The following PLOD1 variants were observed in gnomAD, a reference collection of about 807,000 sequenced individuals.
PLOD1 encodes procollagen-lysine,2-oxoglutarate 5-dioxygenase 1, also known as lysine hydroxylase.
A neutral mutation model predicts 94.7 loss-of-function variants in PLOD1; 70 were observed. That is an observed-to-expected ratio of 0.74 (90% CI 0.61 to 0.90). The LOEUF is 0.90. PLOD1 is among the 40% of genes least tolerant of loss of function. The pLI is 0.00. For synonymous variants in PLOD1, 417 were observed against 400.2 expected (o/e 1.04, Z -0.50); for missense variants, 905 against 972.7 (o/e 0.93, Z 0.93).
At position 11,972,806 on chromosome 1, in the gene PLOD1, T is replaced by G. The variant is rs2100766941; in HGVS notation, c.1903-66T>G. 1 of 1,594,278 alleles carries G rather than the reference T, an allele frequency of 6.3e-7. No homozygotes were observed. The highest frequency in any genetic ancestry group is 1.1e-5 in the South Asian group (1 of 90,514). ...CAGACCAGGCCCCATGTGTGCACCC[T>G]CCTCTCCTGGCCTTTGTGTCCTCCT... is the stretch of plus-strand genomic sequence containing the variant. On this transcript the variant is annotated intron_variant, in intron 17 of 18. Transcript: ENST00000196061. This position sits in a 1 kb window ranked among gnomAD's most constrained non-coding sequence, Gnocchi z 4.6.
chr1:11,939,735 G>A (rs1488939250), intron 1 of PLOD1, among the ~76,000 whole-genome samples: 1 of 152,084 alleles, frequency 6.6e-6, no homozygotes, highest in Non-Finnish European at 1.5e-5. Flanking sequence ...AGTCTCCCGA[G>A]TAGCTGGGAT....
intron 1 of PLOD1, among the ~76,000 whole-genome samples, chr1:11,942,174 G>T (rs950515542): frequency 1.3e-5 from 2 of 151,948 alleles, no homozygotes; most frequent in East Asian, 3.9e-4. Flanking sequence ...GTAGAGACGG[G>T]GTTTCACCAT....
Position 11,957,152 on chromosome 1 carries a change from A to C in PLOD1, c.741+138A>C, listed in dbSNP as rs981836108. 1.3e-6 allele frequency: 1 copy of C among 772,192 alleles called. No individual in the cohort carries two copies. The highest frequency in any genetic ancestry group is 2.4e-6 in the Non-Finnish European group (1 of 414,100). The allele number at this position is 772,192 out of a possible 1,614,324, so 47.8% of individuals were successfully genotyped here. ...CTATGAACTCACTGCCTCTGTCCTC[A>C]CATCTGAGCTCAGCGTGATGCCTTC... On this transcript the variant is annotated intron_variant, in intron 7 of 18. Transcript: ENST00000196061. The surrounding 1 kb of genome is among the most constrained non-coding windows in gnomAD (Gnocchi z 4.1).
chr1:11,952,836 T>C (rs1056978890), intron 5 of PLOD1, 101 bp downstream of exon 5: 88 of 814,298 alleles, frequency 1.1e-4, no homozygotes, highest in Non-Finnish European at 8.2e-5. Flanking sequence ...GGTTGGTGTC[T>C]TAGTCTATGC....
chr1:11,961,136 C>T (rs1645775504), intron 10 of PLOD1, among the ~76,000 whole-genome samples: 1 of 151,974 alleles, frequency 6.6e-6, no homozygotes, highest in Non-Finnish European at 1.5e-5. Context: ...GTAATCCCTG[C>T]ACTTTGAGAG....
At chr1:11,947,916 T>A (rs892451074) in intron 1 of PLOD1, 60 bp from the exon 2 acceptor site, 46 of 1,092,162 alleles carry the variant, frequency 4.2e-5, no homozygotes, top group South Asian at 3.6e-4. Flanking sequence ...AACAAAGACC[T>A]CCTCCCTGTC....
intron 1 of PLOD1, among the ~76,000 whole-genome samples, chr1:11,944,257 C>A (rs1645634020): frequency 6.6e-6 from 1 of 151,736 alleles, no homozygotes; most frequent in Non-Finnish European, 1.5e-5. Context: ...GTGTCTGGCA[C>A]ACAGAAAATG....
In PLOD1 at chr1:11,949,850, G is replaced by A. The variant is rs1258534388; in HGVS notation, c.246G>A (p.Lys82=). ...GAGGGCAGAAGGTCCGGCTGCTGAA[G>A]AAAGCTCTGGAGAAGCACGCAGACA... The part of the protein sequence containing the change: ...AGGGQKVRLL[K]KALEKHADKE... The change falls in exon 3 of 19, where the codon AAG becomes AAA. Residue 82 remains lysine, a synonymous_variant. Transcript: ENST00000196061. The A allele has an allele frequency of 1.9e-6, 3 of 1,614,174 alleles. No individual in the cohort carries two copies. The highest frequency in any genetic ancestry group is 2.5e-6 in the Non-Finnish European group (3 of 1,180,020).
At chr1:11,950,593 G>T in intron 4 of PLOD1, 73 bp downstream of exon 4, 1 of 1,391,082 alleles carries the variant, frequency 7.2e-7, no homozygotes, top group South Asian at 1.2e-5. Context: ...GACCCCCCTT[G>T]TTTGACGTGC....
intron 4 of PLOD1, among the ~76,000 whole-genome samples, chr1:11,951,868 G>A (rs1323230089): frequency 2.0e-5 from 3 of 152,026 alleles, no homozygotes; most frequent in African/African-American, 4.8e-5. Context: ...GCAGTGAGCC[G>A]AGATCGTGCC....
chr1:11,970,730 A>G lies in PLOD1; in HGVS notation c.1816A>G (p.Ile606Val), dbSNP rs758904956. The change falls in exon 17 of 19, where the codon ATC becomes GTC. Residue 606 changes from isoleucine (I) to valine (V), a missense_variant. By Grantham distance (29) the Ile-to-Val change is conservative (BLOSUM62 3). Coordinates refer to ENST00000196061, the MANE Select transcript of PLOD1 (RefSeq NM_000302.4). ...VPTIDIHMNQ[I>V]GFEREWHKFL... is the part of the protein sequence containing the mutation. ...GACTATTGACATCCACATGAACCAGATCGGCTTTGAGCGGGAGTGGCACAA... is the reference window on the plus strand; with the variant it reads ...GACTATTGACATCCACATGAACCAGGTCGGCTTTGAGCGGGAGTGGCACAA... 2 of 1,612,538 alleles carry G rather than the reference A, an allele frequency of 1.2e-6. No individual in the cohort carries two copies. The highest frequency in any genetic ancestry group is 1.7e-6 in the Non-Finnish European group (2 of 1,179,826).
At chr1:11,947,026 T>C (rs371286976) in intron 1 of PLOD1, among the ~76,000 whole-genome samples, 2 of 152,022 alleles carry the variant, frequency 1.3e-5, no homozygotes, top group African/African-American at 4.8e-5. Flanking sequence ...CCTGGCACTT[T>C]GGGAGGCCAA....
rs4044692 is a variant in PLOD1 at position 11,972,026 on chromosome 1, CAAG to C, written c.1903-844_1903-842del. The stretch of plus-strand genomic sequence containing the variant: ...TTGGCTTTCTCCAAGGTACTTTCTC[CAAG>C]ACTCAGTTCCTTCCTTGGTCTCTGG... On this transcript the variant is annotated intron_variant, in intron 17 of 18. Coordinates refer to ENST00000196061, the MANE Select transcript of PLOD1 (RefSeq NM_000302.4). The surrounding 1 kb of genome is among the most constrained non-coding windows in gnomAD (Gnocchi z 4.6). 0.52 allele frequency: 78,189 copies of C among 151,678 alleles called. 20,845 individuals carry two copies. The highest frequency in any genetic ancestry group is 0.64 in the East Asian group (3,280 of 5,126). 9.4% of individuals were successfully genotyped at this position (151,678 alleles called of 1,614,324 possible). A position where few individuals can be genotyped will look rare whatever the true frequency, so the allele number is the denominator to read the frequency against.
At chr1:11,949,457 T>G (rs1645681604) in intron 2 of PLOD1, among the ~76,000 whole-genome samples, 1 of 152,060 alleles carries the variant, frequency 6.6e-6, no homozygotes, top group Non-Finnish European at 1.5e-5. Context: ...TGTTGCTCTG[T>G]CTCCCAGGCT....
chr1:11,950,308 C>A, intron 3 of PLOD1, 49 bp from the exon 4 acceptor site: 3 of 1,588,136 alleles, frequency 1.9e-6, no homozygotes, highest in Non-Finnish European at 2.6e-6. Context: ...CCTCACTGGG[C>A]CCCTGCTCAC....
rs1394421328 is a variant in PLOD1 at position 11,957,463 on chromosome 1, G to GGCTCATA, written c.742-369_742-363dup. Among the ~76,000 whole-genome samples the GGCTCATA allele has an allele frequency of 1.6e-4, 24 of 152,204 alleles. No individual in the cohort carries two copies. The highest frequency in any genetic ancestry group is 1.9e-4 in the Non-Finnish European group (13 of 68,040). On this transcript the variant is annotated intron_variant, in intron 7 of 18. Coordinates refer to ENST00000196061, the MANE Select transcript of PLOD1 (RefSeq NM_000302.4). The surrounding 1 kb of genome is among the most constrained non-coding windows in gnomAD (Gnocchi z 4.1). ...GGACCTCACTGGTCCCTGGGGAACTGGCTCATAGCTCATAGCATATTTGAG... is the reference window on the plus strand; with the variant it reads ...GGACCTCACTGGTCCCTGGGGAACTGGCTCATAGCTCATAGCTCATAGCATATTTGAG...
At chr1:11,944,131 G>T (rs1359875567) in intron 1 of PLOD1, among the ~76,000 whole-genome samples, 3 of 151,992 alleles carry the variant, frequency 2.0e-5, no homozygotes, top group African/African-American at 4.8e-5. Context: ...TATTTAGGAG[G>T]CTGAGGCATG....
At chr1:11,960,603 C>T (rs1176362158) in intron 9 of PLOD1, 43 bp from the exon 10 acceptor site, 2 of 1,389,244 alleles carry the variant, frequency 1.4e-6, no homozygotes, top group Non-Finnish European at 2.0e-6. Context: ...AAGCTGTGTC[C>T]TCCTCCTCAC....
Position 11,967,154 on chromosome 1 carries a change from T to A in PLOD1, c.1755+63T>A, listed in dbSNP as rs77066296. ...CTGCCTCTCCATCAGTGCCGCTCAC[T>A]GTCTGGGGTCTTCTGGCAAGCTGGC... On this transcript the variant is annotated intron_variant, in intron 16 of 18. Transcript: ENST00000196061. The A allele has an allele frequency of 3.2e-3, 3,402 of 1,077,724 alleles. 48 individuals carry two copies. The East Asian group carries it at 0.035, about 11-fold the overall frequency. The allele number at this position is 1,077,724 out of a possible 1,614,324, so 66.8% of individuals were successfully genotyped here. A position where few individuals can be genotyped will look rare whatever the true frequency, so the allele number is the denominator to read the frequency against.
Sources: gnomAD v4.1 joint callset for allele counts (sites outside exome capture counted in the v4.1 genomes callset) on GRCh38, gnomAD v4.1.1 for gene constraint, Gnocchi (gnomAD v3.1) non-coding constraint, MANE v1.5 for transcripts, NCBI Gene and HGNC (gene_info 2026-07-23, HGNC 2026-07-21) for gene names.